TMEM273: variants seen among roughly 807,000 people sequenced by gnomAD.
TMEM273 encodes transmembrane protein 273.
TMEM273 carries 19 observed loss-of-function variants against 17.9 expected under a neutral mutation model. The observed-to-expected ratio is 1.06, with a 90% CI of 0.74 to 1.55. The LOEUF (loss-of-function observed/expected upper bound fraction) is 1.55. Among genes scored for constraint, TMEM273 ranks in the 40% most tolerant of loss-of-function variants. TMEM273 has a pLI of 0.00. For missense variants in TMEM273, 194 were observed against 155.6 expected (o/e 1.25, Z -1.31); for synonymous variants, 66 against 62.0 (o/e 1.07, Z -0.31).
At chr10:49,158,693 C>T (rs114992065) in intron 6 of TMEM273, among the ~76,000 whole-genome samples, 21 of 152,200 alleles carry the variant, frequency 1.4e-4, no homozygotes, top group East Asian at 5.8e-4. Context: ...TACCCTAGTA[C>T]GCACAGAAAT....
At chr10:49,165,446 G>A (rs2132137831) in intron 4 of TMEM273, 163 bp from the exon 5 acceptor site, 2 of 1,478,908 alleles carry the variant, frequency 1.4e-6, no homozygotes, top group Non-Finnish European at 1.8e-6. Flanking sequence ...CAAGTGACAG[G>A]GGCTGGAGGC....
At chr10:49,163,487 C>T (rs960545336) in intron 5 of TMEM273, among the ~76,000 whole-genome samples, 7 of 152,188 alleles carry the variant, frequency 4.6e-5, no homozygotes, top group Admixed American at 4.6e-4. Context: ...CTGGACACTT[C>T]ACAGGCCCAC....
At chr10:49,167,150 C>A in intron 2 of TMEM273, 141 bp from the exon 3 acceptor site, 1 of 1,179,470 alleles carries the variant, frequency 8.5e-7, no homozygotes, top group Non-Finnish European at 1.2e-6. Context: ...TCTACTCTCC[C>A]ATGAGTCCCT....
chr10:49,163,289 A>ACG (rs1491364423), intron 5 of TMEM273, among the ~76,000 whole-genome samples: 2 of 150,472 alleles, frequency 1.3e-5, no homozygotes, highest in African/African-American at 4.9e-5. Context: ...GAATATGTGC[A>ACG]TGTGTGTGTG....
At chr10:49,186,437 G>T (rs1847735016) in intron 1 of TMEM273, among the ~76,000 whole-genome samples, 4 of 152,128 alleles carry the variant, frequency 2.6e-5, no homozygotes, top group Admixed American at 2.6e-4. Flanking sequence ...TGGGTGAAGG[G>T]TTATGAACAT....
intron 1 of TMEM273, among the ~76,000 whole-genome samples, chr10:49,185,694 G>T (rs1175694696): frequency 6.6e-6 from 1 of 152,032 alleles, no homozygotes; most frequent in Non-Finnish European, 1.5e-5. Context: ...GAAGATAAAG[G>T]ATAGCCGGGC....
chr10:49,164,781 C>T (rs1025138479), intron 5 of TMEM273, among the ~76,000 whole-genome samples: 1 of 152,226 alleles, frequency 6.6e-6, no homozygotes, highest in South Asian at 2.1e-4. Flanking sequence ...GCTATGCAGC[C>T]CTCTGCACCC....
intron 1 of TMEM273, among the ~76,000 whole-genome samples, chr10:49,172,889 C>T (rs1732873499): frequency 6.6e-6 from 1 of 152,336 alleles, no homozygotes; most frequent in Middle Eastern, 3.4e-3. Flanking sequence ...CCACGTGACT[C>T]CCACAGGGCT....
At chr10:49,176,081 C>G (rs1253806455) in intron 1 of TMEM273, among the ~76,000 whole-genome samples, 4 of 152,224 alleles carry the variant, frequency 2.6e-5, no homozygotes, top group Non-Finnish European at 5.9e-5. Context: ...TTGGACCAGA[C>G]ACAACATGGC....
chr10:49,163,884 G>A (rs563563538), intron 5 of TMEM273, among the ~76,000 whole-genome samples: 4 of 152,112 alleles, frequency 2.6e-5, no homozygotes, highest in East Asian at 1.9e-4. Flanking sequence ...CATCCCAAGC[G>A]CATGACTCCA....
Position 49,167,923 on chromosome 10 carries a change from G to T in TMEM273, c.83C>A (p.Pro28His). ...GAQVLATGKTPGAEIDFKYAL... is the reference protein window; with the variant it reads ...GAQVLATGKTHGAEIDFKYAL... ...CAGCCACGTACCAATTTCAGCCCCA[G>T]GGGTCTTGCCTGTTGCCAGCACTTG... The change falls in exon 2 of 7, where the codon CCT becomes CAT. Residue 28 changes from proline (P) to histidine (H), a missense_variant. By Grantham distance (77) the Pro-to-His change is moderately conservative (BLOSUM62 -2). Transcript: ENST00000374153. 6.2e-7 allele frequency: 1 copy of T among 1,614,058 alleles called. No homozygotes were observed. Among genetic ancestry groups the T allele is most frequent in the Non-Finnish European group, 8.5e-7 (1 of 1,179,998 alleles).
At chr10:49,176,480 G>C (rs7919424) in intron 1 of TMEM273, among the ~76,000 whole-genome samples, 24,755 of 142,246 alleles carry the variant, frequency 0.17, 2,438 homozygotes, top group Non-Finnish European at 0.25. Context: ...GCCTTGCAGA[G>C]AGAGCAGGGG....
chr10:49,171,060 A>G (rs570733721), intron 1 of TMEM273, among the ~76,000 whole-genome samples: 27 of 152,320 alleles, frequency 1.8e-4, no homozygotes, highest in African/African-American at 6.3e-4. Context: ...ACCAGCAGGA[A>G]CTGCACTGCA....
intron 6 of TMEM273, 67 bp from the exon 7 acceptor site, chr10:49,155,976 G>C: frequency 3.1e-6 from 5 of 1,611,312 alleles, no homozygotes; most frequent in Non-Finnish European, 4.2e-6. Flanking sequence ...GATTGCATGT[G>C]TTTATGCAAT....
In TMEM273 at chr10:49,188,373, C is replaced by A; in HGVS notation, c.-37G>T. ...GCTCTTGGCTCCTGGCTCCTGGCTG[C>A]TGGCAGCGCAGGCACAATGAGCCAT... On this transcript the variant is annotated 5_prime_UTR_variant, in exon 1 of 7. Transcript: ENST00000374153. 5 of 1,613,964 alleles carry A rather than the reference C, an allele frequency of 3.1e-6. No individual in the cohort carries two copies. Among genetic ancestry groups the A allele is most frequent in the Non-Finnish European group, 4.2e-6 (5 of 1,179,936 alleles).
chr10:49,176,964 TC>T (rs943458972), intron 1 of TMEM273, among the ~76,000 whole-genome samples: 1 of 152,162 alleles, frequency 6.6e-6, no homozygotes, highest in African/African-American at 2.4e-5. Context: ...CCAGCCGAAG[TC>T]CCCCTGACCC....
intron 6 of TMEM273, among the ~76,000 whole-genome samples, chr10:49,157,594 T>A (rs1457549067): frequency 6.6e-6 from 1 of 152,230 alleles, no homozygotes; most frequent in Non-Finnish European, 1.5e-5. Context: ...TAGGATACAT[T>A]TATGCCTGCT....
chr10:49,160,043 G>A (rs1845746324), intron 6 of TMEM273, among the ~76,000 whole-genome samples: 1 of 152,220 alleles, frequency 6.6e-6, no homozygotes, highest in African/African-American at 2.4e-5. Context: ...CCTTGTGGAT[G>A]AATGTCAGCT....
rs751984505 is a variant in TMEM273 at position 49,188,259 on chromosome 10, C to A, written c.43+35G>T. 1.9e-6 allele frequency: 3 copies of A among 1,612,340 alleles called. No individual in the cohort carries two copies. In the South Asian group the frequency reaches 3.3e-5, roughly 18 times the overall value. On this transcript the variant is annotated intron_variant, in intron 1 of 6. Transcript: ENST00000374153. ...CCCCAGTTTCCTGCCCACTGAGGCT[C>A]CCCCGGGCCAGAGACCCCCGCAGTC...
Sources: allele counts gnomAD v4.1 joint callset (sites outside exome capture counted in the v4.1 genomes callset), GRCh38; gene constraint gnomAD v4.1.1; transcripts MANE v1.5; gene names NCBI Gene and HGNC (gene_info 2026-07-23, HGNC 2026-07-21).